NMT2: variants seen among roughly 807,000 people sequenced by gnomAD.
NMT2 encodes the protein N-myristoyltransferase 2, also known as glycylpeptide N-tetradecanoyltransferase 2.
A neutral mutation model predicts 65.4 loss-of-function variants in NMT2; 35 were observed. The ratio of observed to expected loss-of-function variants is 0.54; its 90% confidence interval spans 0.41 to 0.71. The LOEUF (loss-of-function observed/expected upper bound fraction) is 0.71, where lower values mean the gene tolerates loss of function less well. Ranked by LOEUF, NMT2 falls within the 30% of genes least tolerant of loss-of-function variation. The pLI is 0.00. For missense variants in NMT2, 489 were observed against 611.3 expected (o/e 0.80, Z 2.11); for synonymous variants, 226 against 231.8 (o/e 0.98, Z 0.23).
At chr10:15,126,563 G>A (rs980740221) in intron 8 of NMT2, among the ~76,000 whole-genome samples, 1 of 152,114 alleles carries the variant, frequency 6.6e-6, no homozygotes, top group Admixed American at 6.5e-5. Flanking sequence ...TGATGAATAA[G>A]CTGCCATGCT....
At chr10:15,139,874 T>G (rs1380230569) in intron 2 of NMT2, 2 of 59,956 alleles carry the variant, frequency 3.3e-5, no homozygotes, top group East Asian at 7.0e-4. Context: ...TATATATATA[T>G]ATATATATAT....
At chr10:15,125,907 T>C (rs1316394081) in intron 8 of NMT2, among the ~76,000 whole-genome samples, 1 of 152,010 alleles carries the variant, frequency 6.6e-6, no homozygotes, top group Non-Finnish European at 1.5e-5. Context: ...CCTTGTGATC[T>C]GCCCGCCTTG....
chr10:15,167,995 C>A (rs1833431738), intron 1 of NMT2, among the ~76,000 whole-genome samples: 1 of 152,174 alleles, frequency 6.6e-6, no homozygotes, highest in Admixed American at 6.5e-5. Flanking sequence ...ACCATCGGGG[C>A]ACCTCCACGC....
chr10:15,109,582 T>A (rs45437301), intron 11 of NMT2, 120 bp downstream of exon 11: 18,583 of 794,396 alleles, frequency 0.023, 318 homozygotes, highest in Non-Finnish European at 0.028. Flanking sequence ...AAAAAATAAA[T>A]AAATAAATAA....
intron 1 of NMT2, among the ~76,000 whole-genome samples, chr10:15,158,797 C>A (rs1833090230): frequency 6.6e-6 from 1 of 152,188 alleles, no homozygotes; most frequent in Non-Finnish European, 1.5e-5. Flanking sequence ...GATCAGGGTG[C>A]CAGCAGGGTC....
At chr10:15,130,457 A>C in intron 6 of NMT2, 145 bp from the exon 7 acceptor site, 24 of 648,120 alleles carry the variant, frequency 3.7e-5, no homozygotes, top group Non-Finnish European at 4.6e-5. Flanking sequence ...CTGTAATCTC[A>C]GCACTTTGGG....
In NMT2 at chr10:15,127,930, G is replaced by A. The variant is rs1445585080; in HGVS notation, c.999+420C>T. 2.6e-5 allele frequency among the ~76,000 whole-genome samples: 4 copies of A among 151,824 alleles called. No homozygotes were observed. The East Asian group carries it at 7.7e-4, about 29-fold the overall frequency. Reference sequence around the variant, plus strand: ...AAAAAAAATGACAACTTTTCACATTGAGAACGAGATAGTTTAAGAAGATGA... The same window carrying A: ...AAAAAAAATGACAACTTTTCACATTAAGAACGAGATAGTTTAAGAAGATGA... On this transcript the variant is annotated intron_variant, in intron 8 of 11. Transcript: ENST00000378165.
chr10:15,112,352 C>T (rs1241792766), intron 10 of NMT2, among the ~76,000 whole-genome samples: 1 of 147,070 alleles, frequency 6.8e-6, no homozygotes, highest in African/African-American at 2.5e-5. Context: ...CCTCAGCCTC[C>T]CGAGTAGCTG....
intron 2 of NMT2, among the ~76,000 whole-genome samples, chr10:15,136,107 G>A (rs1846483692): frequency 6.6e-6 from 1 of 152,044 alleles, no homozygotes; most frequent in East Asian, 1.9e-4. Flanking sequence ...GGTAATCCCA[G>A]CTACTCGGGA....
rs763023426 is a variant in NMT2 at position 15,130,170 on chromosome 10, C to T, written c.862G>A (p.Val288Ile). 5.8e-6 allele frequency: 9 copies of T among 1,560,636 alleles called. No homozygotes were observed. In the East Asian group the frequency reaches 9.3e-5, roughly 16 times the overall value. ...CATGTGGCTATGGGCTTAGGAAGAA[C>T]CACTCCCGCGGTGTACACAGCCTGG... ...IFQAVYTAGV[V>I]LPKPIATCRY... Residue 288 changes from valine (V) to isoleucine (I), a missense_variant, in exon 7 of 12, where the codon GTT (valine) becomes ATT (isoleucine). Coordinates refer to ENST00000378165, the MANE Select transcript of NMT2 (RefSeq NM_004808.3).
intron 1 of NMT2, among the ~76,000 whole-genome samples, chr10:15,146,601 C>A (rs970901503): frequency 2.0e-5 from 3 of 152,164 alleles, no homozygotes; most frequent in African/African-American, 7.2e-5. Flanking sequence ...GTGAGAGCCC[C>A]AAGGATGGCA....
intron 2 of NMT2, among the ~76,000 whole-genome samples, chr10:15,138,707 A>G (rs1219319003): frequency 6.6e-6 from 1 of 152,244 alleles, no homozygotes; most frequent in Non-Finnish European, 1.5e-5. Context: ...TATGTAGACC[A>G]GAATATTCTG....
At position 15,107,929 on chromosome 10, in the gene NMT2, A is replaced by G; in HGVS notation, c.*1266T>C. On this transcript the variant is annotated 3_prime_UTR_variant, in exon 12 of 12. Transcript: ENST00000378165. ...CAAAATTATGAATACTTATTTACAA[A>G]TAAGACATTTTCCATTAGCATGACA... is the stretch of plus-strand genomic sequence containing the variant. 5.1e-6 allele frequency: 5 copies of G among 985,654 alleles called. No homozygotes were observed. The highest frequency in any genetic ancestry group is 4.8e-6 in the Non-Finnish European group (4 of 829,748). The allele number at this position is 985,654 out of a possible 1,614,324, so 61.1% of individuals were successfully genotyped here. A position where few individuals can be genotyped will look rare whatever the true frequency, so the allele number is the denominator to read the frequency against.
At chr10:15,116,691 G>T (rs1040171297) in intron 9 of NMT2, among the ~76,000 whole-genome samples, 1 of 152,032 alleles carries the variant, frequency 6.6e-6, no homozygotes, top group African/African-American at 2.4e-5. Context: ...CAAAAACAAA[G>T]AAAGAGAAGA....
At chr10:15,164,788 T>C (rs982001399) in intron 1 of NMT2, among the ~76,000 whole-genome samples, 1 of 152,088 alleles carries the variant, frequency 6.6e-6, no homozygotes, top group South Asian at 2.1e-4. Context: ...TCCCAGCACT[T>C]TGGGAGGCCG....
intron 8 of NMT2, among the ~76,000 whole-genome samples, chr10:15,121,107 T>C (rs547490510): frequency 9.7e-4 from 147 of 152,306 alleles, no homozygotes; most frequent in African/African-American, 3.3e-3. Context: ...AAACAGACAA[T>C]TTTAAACTGA....
intron 1 of NMT2, chr10:15,168,222 G>T: frequency 3.2e-6 from 1 of 309,080 alleles, no homozygotes; most frequent in Non-Finnish European, 5.9e-6. Context: ...CCGCCGGCGG[G>T]GATGGGCGAG....
chr10:15,158,321 A>G (rs1833071182), intron 1 of NMT2, among the ~76,000 whole-genome samples: 1 of 152,034 alleles, frequency 6.6e-6, no homozygotes, highest in South Asian at 2.1e-4. Flanking sequence ...GTCTCAAAAA[A>G]AAAAAAAAGA....
At chr10:15,113,463 C>CAAAAAAAAAAAAAAAAAAAAAAAAAAA (rs1169255963) in intron 9 of NMT2, among the ~76,000 whole-genome samples, 2 of 37,004 alleles carry the variant, frequency 5.4e-5, no homozygotes, top group African/African-American at 1.8e-4. Context: ...GGATGAGACT[C>CAAAAAAAAAAAAAAAAAAAAAAAAAAA]AAAAAAAAAA....
Sources: gnomAD v4.1 joint callset for allele counts (sites outside exome capture counted in the v4.1 genomes callset) on GRCh38, gnomAD v4.1.1 for gene constraint, MANE v1.5 for transcripts, NCBI Gene and HGNC (gene_info 2026-07-23, HGNC 2026-07-21) for gene names.